Variants in MIA2 observed in about 807,000 individuals in gnomAD.
MIA2 encodes melanoma inhibitory activity protein 2.
A neutral mutation model predicts 167.8 loss-of-function variants in MIA2; 127 were observed. That is an observed-to-expected ratio of 0.76 (90% CI 0.66 to 0.88). MIA2 has a LOEUF of 0.88. MIA2 is among the 40% of genes least tolerant of loss of function. The pLI, the probability that MIA2 is intolerant of heterozygous loss-of-function variation, is 0.00. For missense variants in MIA2, 1,690 were observed against 1,624.7 expected, an observed-to-expected ratio of 1.04 and a Z score of -0.69; for synonymous variants, 552 against 541.9, an observed-to-expected ratio of 1.02 and a Z score of -0.26.
intron 25 of MIA2, among the ~76,000 whole-genome samples, chr14:39,329,625 T>G (rs1332821305): frequency 6.6e-6 from 1 of 151,318 alleles, no homozygotes; most frequent in Non-Finnish European, 1.5e-5. Context: ...TATTTTGAGA[T>G]ATGTTCCATC....
intron 25 of MIA2, among the ~76,000 whole-genome samples, chr14:39,335,086 C>G (rs75247133): frequency 0.032 from 4,789 of 151,874 alleles, 277 homozygotes; most frequent in African/African-American, 0.11. Context: ...TCTGTCTCCA[C>G]AAAAAAACAA....
At chr14:39,299,068 TAA>T (rs3065043) in intron 13 of MIA2, among the ~76,000 whole-genome samples, 11,062 of 44,216 alleles carry the variant, frequency 0.25, 704 homozygotes, top group Non-Finnish European at 0.27. Context: ...TCCCTGCCTC[TAA>T]AAAAAAAAAA....
Position 39,247,179 on chromosome 14 carries a change from A to C in MIA2, c.605A>C (p.Glu202Ala). ...ESKDWEEVVV[E>A]SMEQDRIPEV... is the part of the protein sequence containing the mutation. ...AAAGACTGGGAAGAAGTAGTTGTTG[A>C]AAGTATGGAACAGGATCGTATTCCA... Residue 202 changes from glutamate to alanine, a missense_variant, in exon 4 of 29, where the codon GAA (glutamate) becomes GCA (alanine). Coordinates refer to ENST00000640607, the MANE Select transcript of MIA2 (RefSeq NM_001329214.4). The C allele has an allele frequency of 6.2e-7, 1 of 1,614,196 alleles. No homozygotes were observed. The highest frequency in any genetic ancestry group is 1.6e-4 in the Middle Eastern group (1 of 6,062).
At chr14:39,371,086 G>A (rs2074934068) in intron 23 of MIA2, among the ~76,000 whole-genome samples, 1 of 151,812 alleles carries the variant, frequency 6.6e-6, no homozygotes, top group Non-Finnish European at 1.5e-5. Context: ...GTAGTCATTT[G>A]TAAACTTCAC....
chr14:39,373,407 T>C (rs746798868), intron 23 of MIA2, among the ~76,000 whole-genome samples: 9 of 150,540 alleles, frequency 6.0e-5, no homozygotes, highest in Non-Finnish European at 1.2e-4. Context: ...AAAACTTGAA[T>C]GAGATTTTAA....
chr14:39,318,952 G>A (rs1451602705), intron 22 of MIA2, among the ~76,000 whole-genome samples: 1 of 152,136 alleles, frequency 6.6e-6, no homozygotes, highest in Non-Finnish European at 1.5e-5. Context: ...ACTCATGGTA[G>A]TCTAGTTTTG....
In MIA2 at chr14:39,247,355, G is replaced by C. The variant is rs373587160; in HGVS notation, c.781G>C (p.Glu261Gln). The change falls in exon 4 of 29, where the codon GAG becomes CAG. Residue 261 changes from glutamate to glutamine, a missense_variant. Transcript: ENST00000640607. ...GAGTAGAAAAATAGCAGTGGAAGAT[G>C]AGAATGACCTAGAGGAATTAAATAA... ...FRSRKIAVED[E>Q]NDLEELNNGE... is the part of the protein sequence containing the mutation. The C allele has an allele frequency of 8.0e-5, 129 of 1,613,986 alleles. No individual in the cohort carries two copies. The highest frequency in any genetic ancestry group is 1.0e-4 in the Admixed American group (6 of 59,992).
intron 6 of MIA2, among the ~76,000 whole-genome samples, chr14:39,264,345 G>A (rs529822936): frequency 4.8e-4 from 73 of 152,174 alleles, no homozygotes; most frequent in Non-Finnish European, 3.7e-4. Flanking sequence ...CCAATGCACC[G>A]TTGATGGGCA....
At position 39,270,280 on chromosome 14, in the gene MIA2, C is replaced by T. The variant is rs150346459; in HGVS notation, c.1888-6654C>T. 7.6e-3 allele frequency among the ~76,000 whole-genome samples: 1,131 copies of T among 148,186 alleles called. 13 individuals are homozygous for T. The highest frequency in any genetic ancestry group is 0.026 in the African/African-American group (1,029 of 40,064). The stretch of plus-strand genomic sequence containing the variant: ...GCAGTGGCATGATCTCGGCTCACTG[C>T]AGCCTCCACCTCCCAGGTTCAAGTG... On this transcript the variant is annotated intron_variant, in intron 6 of 28. Transcript: ENST00000640607.
intron 23 of MIA2, among the ~76,000 whole-genome samples, chr14:39,376,283 G>A (rs138082527): frequency 0.011 from 1,613 of 152,236 alleles, 29 homozygotes; most frequent in African/African-American, 0.036. Flanking sequence ...TATCTATAAA[G>A]TGAGGGAATT....
rs112379447 is a variant in MIA2, at chr14:39,307,118, T to C, written c.2879-1331T>C. Among the ~76,000 whole-genome samples the C allele has an allele frequency of 3.9e-5, 6 of 152,244 alleles. 1 individual carries two copies. The highest frequency in any genetic ancestry group is 1.2e-4 in the African/African-American group (5 of 41,542). ...AGATCTAGATTTCTGGCTTGACTTA[T>C]ATGTCAAAATTTTAGCTTAAAAGGG... is the stretch of plus-strand genomic sequence containing the variant. On this transcript the variant is annotated intron_variant, in intron 17 of 28. Coordinates refer to ENST00000640607, the MANE Select transcript of MIA2 (RefSeq NM_001329214.4).
At chr14:39,383,604 G>T (rs958277144) in intron 23 of MIA2, among the ~76,000 whole-genome samples, 15 of 152,192 alleles carry the variant, frequency 9.9e-5, no homozygotes, top group African/African-American at 3.4e-4. Context: ...CATGAGGAAG[G>T]CATGTTGAAA....
chr14:39,316,423 T>G (rs2065452663), intron 21 of MIA2, among the ~76,000 whole-genome samples: 2 of 152,214 alleles, frequency 1.3e-5, no homozygotes, highest in African/African-American at 4.8e-5. Flanking sequence ...TCATCACCTA[T>G]CATCAGTTTT....
chr14:39,280,606 A>G (rs922684800), intron 9 of MIA2, among the ~76,000 whole-genome samples: 2 of 151,906 alleles, frequency 1.3e-5, no homozygotes, highest in Non-Finnish European at 2.9e-5. Context: ...GGTGGTGGGT[A>G]CCTGTAGTCC....
chr14:39,367,440 G>A (rs2074846194), intron 23 of MIA2, among the ~76,000 whole-genome samples: 1 of 152,190 alleles, frequency 6.6e-6, no homozygotes, highest in Non-Finnish European at 1.5e-5. Context: ...CTCGGCATGA[G>A]CTCCCTCTCT....
At chr14:39,253,494 T>C (rs1314444630) in intron 6 of MIA2, 2 of 342,348 alleles carry the variant, frequency 5.8e-6, no homozygotes, top group South Asian at 3.1e-5. Flanking sequence ...GAGCTGGGTG[T>C]GGTGGTGTGT....
At chr14:39,355,475 A>G (rs1157612077), downstream of MIA2, among the ~76,000 whole-genome samples, 15 of 152,082 alleles carry the variant, frequency 9.9e-5, no homozygotes, top group Admixed American at 9.2e-4. Flanking sequence ...GGTTTTCTAG[A>G]TATACAATCA....
intron 23 of MIA2, among the ~76,000 whole-genome samples, chr14:39,381,211 C>T (rs1272249124): frequency 6.6e-6 from 1 of 151,974 alleles, no homozygotes; most frequent in Non-Finnish European, 1.5e-5. Flanking sequence ...CTTCATGCAG[C>T]AGAAGGTGGT....
At chr14:39,302,348 C>T (rs1479741987) in intron 15 of MIA2, 99 bp downstream of exon 15, 8 of 1,359,422 alleles carry the variant, frequency 5.9e-6, no homozygotes, top group Non-Finnish European at 8.1e-6. Flanking sequence ...TATGCTTTTA[C>T]TTTGGCACAT....
Sources: allele counts gnomAD v4.1 joint callset (sites outside exome capture counted in the v4.1 genomes callset), GRCh38; gene constraint gnomAD v4.1.1; transcripts MANE v1.5; gene names NCBI Gene and HGNC (gene_info 2026-07-23, HGNC 2026-07-21).